SYNPO2: variants seen among roughly 807,000 people sequenced by gnomAD.
The protein encoded by SYNPO2 is synaptopodin 2.
A neutral mutation model predicts 85.0 loss-of-function variants in SYNPO2; 56 were observed. That is an observed-to-expected ratio of 0.66 (90% CI 0.53 to 0.82). SYNPO2 has a LOEUF of 0.82. Among genes scored for constraint, SYNPO2 ranks in the 40% least tolerant of loss-of-function variants. SYNPO2 has a pLI of 0.00. For synonymous variants in SYNPO2, 602 were observed against 591.1 expected, an observed-to-expected ratio of 1.02 and a Z score of -0.27; for missense variants, 1,575 against 1,534.2, an observed-to-expected ratio of 1.03 and a Z score of -0.44.
At chr4:118,913,872 TATTA>T (rs2149125212) in intron 1 of SYNPO2, among the ~76,000 whole-genome samples, 1 of 152,322 alleles carries the variant, frequency 6.6e-6, no homozygotes, top group South Asian at 2.1e-4. Flanking sequence ...CCCAAATTCT[TATTA>T]AAGATTTCTA....
At chr4:118,973,684 C>A (rs1735621186) in intron 1 of SYNPO2, among the ~76,000 whole-genome samples, 1 of 152,142 alleles carries the variant, frequency 6.6e-6, no homozygotes, top group African/African-American at 2.4e-5. Flanking sequence ...CAAAAAATTC[C>A]CTCCCCACAA....
At chr4:118,876,673 CTTT>C (rs1731921472) in intron 1 of SYNPO2, among the ~76,000 whole-genome samples, 4 of 5,732 alleles carry the variant, frequency 7.0e-4, no homozygotes, top group Middle Eastern at 0.071. Flanking sequence ...CTTTCTCTTT[CTTT>C]CTTTCTTTCT....
At chr4:119,035,108 C>A (rs1399195219) in intron 4 of SYNPO2, 1 of 985,432 alleles carries the variant, frequency 1.0e-6, no homozygotes, top group Non-Finnish European at 1.2e-6. Flanking sequence ...TATCCCAAAT[C>A]CACTGCATGG....
chr4:119,032,464 G>T, intron 4 of SYNPO2: 1 of 1,041,292 alleles, frequency 9.6e-7, no homozygotes, highest in Non-Finnish European at 1.2e-6. Context: ...TATTGACTGA[G>T]ATTTCCCTTT....
chr4:118,871,115 T>G (rs1255786636), intron 1 of SYNPO2, among the ~76,000 whole-genome samples: 1 of 152,136 alleles, frequency 6.6e-6, no homozygotes, highest in Non-Finnish European at 1.5e-5. Context: ...GGTCAAAATA[T>G]TTTTATGATT....
intron 1 of SYNPO2, among the ~76,000 whole-genome samples, chr4:118,984,762 T>G (rs1203243573): frequency 2.0e-5 from 3 of 152,250 alleles, no homozygotes; most frequent in Non-Finnish European, 4.4e-5. Flanking sequence ...AAAGTCAGCC[T>G]GGTTTTGTAG....
At chr4:119,006,525 T>C (rs1215158047) in intron 1 of SYNPO2, 1 of 152,204 alleles carries the variant, frequency 6.6e-6, no homozygotes, top group Non-Finnish European at 1.5e-5. Flanking sequence ...AATAAAGGAA[T>C]GCATTTTGGG....
chr4:118,896,148 C>T (rs943668322), intron 1 of SYNPO2, among the ~76,000 whole-genome samples: 16 of 152,188 alleles, frequency 1.1e-4, no homozygotes, highest in African/African-American at 3.9e-4. Flanking sequence ...AACAGGCTGT[C>T]ACTTAGTATT....
rs1734866135 is a variant in SYNPO2 at position 118,956,164 on chromosome 4, A to T, written c.105+67023A>T. On this transcript the variant is annotated intron_variant, in intron 1 of 4. Transcript: ENST00000307142. ...AGAGATTGGGGTTTTGAAGACACTGATTTGGAAGTCATCATCATAAATAAG... is the reference window on the plus strand; with the variant it reads ...AGAGATTGGGGTTTTGAAGACACTGTTTTGGAAGTCATCATCATAAATAAG... 2.0e-5 allele frequency among the ~76,000 whole-genome samples: 3 copies of T among 152,184 alleles called. No homozygotes were observed. In the South Asian group the frequency reaches 6.2e-4, roughly 32 times the overall value.
intron 4 of SYNPO2, among the ~76,000 whole-genome samples, chr4:119,049,830 G>A (rs921424408): frequency 6.6e-5 from 10 of 152,106 alleles, no homozygotes; most frequent in African/African-American, 2.2e-4. Flanking sequence ...GCAGAGCCCC[G>A]GATATCTCAT....
intron 1 of SYNPO2, among the ~76,000 whole-genome samples, chr4:118,971,773 A>G (rs1735549739): frequency 6.6e-6 from 1 of 152,214 alleles, no homozygotes; most frequent in Non-Finnish European, 1.5e-5. Flanking sequence ...TCTGAAAAAT[A>G]ATGGCTCAAT....
intron 1 of SYNPO2, among the ~76,000 whole-genome samples, chr4:118,993,520 C>T (rs1000822952): frequency 1.9e-4 from 29 of 152,116 alleles, no homozygotes; most frequent in African/African-American, 6.8e-4. Context: ...AACATATCAC[C>T]ACTCAAGTGT....
intron 3 of SYNPO2, 70 bp downstream of exon 3, chr4:119,027,508 G>A: frequency 7.4e-7 from 1 of 1,357,590 alleles, no homozygotes; most frequent in East Asian, 2.5e-5. Context: ...TTGCTTGCAT[G>A]AGTTTTTCAG....
At chr4:118,872,227 G>A (rs1361784052) in intron 1 of SYNPO2, among the ~76,000 whole-genome samples, 2 of 152,014 alleles carry the variant, frequency 1.3e-5, no homozygotes, top group Middle Eastern at 3.2e-3. Context: ...TCTGAATAAC[G>A]TACATTGTAC....
At chr4:118,923,523 A>G (rs558008631) in intron 1 of SYNPO2, among the ~76,000 whole-genome samples, 1 of 152,262 alleles carries the variant, frequency 6.6e-6, no homozygotes, top group South Asian at 2.1e-4. Context: ...ACAAACCTGC[A>G]CATGTACACC....
intron 1 of SYNPO2, among the ~76,000 whole-genome samples, chr4:118,967,763 C>CA (rs1182853546): frequency 6.6e-6 from 1 of 151,912 alleles, no homozygotes; most frequent in East Asian, 1.9e-4. Flanking sequence ...ATAAGATATA[C>CA]AGCATTTAAC....
rs749295331 is a variant in SYNPO2, at chr4:118,890,733, C to CTCTCTGTGTG, written c.105+1593_105+1594insCTCTGTGTGT. On this transcript the variant is annotated intron_variant, in intron 1 of 4. Transcript: ENST00000307142. ...TCTCTCTCTCTCTCTCTCTCTCTCT[C>CTCTCTGTGTG]TGTGTGTGTGTGTGTGTGTGTGTAG... Among the ~76,000 whole-genome samples the CTCTCTGTGTG allele has an allele frequency of 5.7e-3, 713 of 126,164 alleles. 29 individuals are homozygous for CTCTCTGTGTG. In the East Asian group the frequency reaches 0.099, roughly 18 times the overall value. 82.8% of individuals were successfully genotyped at this position (126,164 alleles called of 152,430 possible).
At chr4:118,853,281 T>C (rs1731450933) in intron 1 of SYNPO2, among the ~76,000 whole-genome samples, 1 of 152,212 alleles carries the variant, frequency 6.6e-6, no homozygotes, top group African/African-American at 2.4e-5. Context: ...ATTTCCATTG[T>C]GAATTTAAAC....
At chr4:118,871,693 C>G (rs1052571820) in intron 1 of SYNPO2, among the ~76,000 whole-genome samples, 9 of 152,172 alleles carry the variant, frequency 5.9e-5, no homozygotes, top group Admixed American at 2.0e-4. Context: ...CTCAACCTCC[C>G]GAGTTGCTGG....
Sources: gnomAD v4.1 joint callset for allele counts (sites outside exome capture counted in the v4.1 genomes callset) on GRCh38, gnomAD v4.1.1 for gene constraint, MANE v1.5 for transcripts, NCBI Gene and HGNC (gene_info 2026-07-23, HGNC 2026-07-21) for gene names.